Variants in GCNT1 observed in about 807,000 individuals in gnomAD.
The protein encoded by GCNT1 is glucosaminyl (N-acetyl) transferase 1, also known as beta-1,3-galactosyl-O-glycosyl-glycoprotein beta-1,6-N-acetylglucosaminyltransferase.
GCNT1 carries 16 observed loss-of-function variants against 26.2 expected under a neutral mutation model. That is an observed-to-expected ratio of 0.61 (90% CI 0.41 to 0.93). GCNT1 has a LOEUF of 0.93. Among genes scored for constraint, GCNT1 ranks in the 40% least tolerant of loss-of-function variants. GCNT1 has a pLI of 0.00. For synonymous variants in GCNT1, 183 were observed against 190.8 expected (o/e 0.96, Z 0.34); for missense variants, 477 against 526.7 (o/e 0.91, Z 0.92).
In GCNT1 at chr9:76,496,164, G is replaced by C. The variant is rs193269600; in HGVS notation, c.-289-4752G>C. Among the ~76,000 whole-genome samples the C allele has an allele frequency of 6.8e-4, 104 of 152,326 alleles. 3 individuals are homozygous for C. The East Asian group carries it at 0.019, about 27-fold the overall frequency. ...CTGGATGGGAACTGCTTTCCATTAGGCCTGGTGTGCCCTGGAAGGGAGAGC... is the reference window on the plus strand; with the variant it reads ...CTGGATGGGAACTGCTTTCCATTAGCCCTGGTGTGCCCTGGAAGGGAGAGC... On this transcript the variant is annotated intron_variant, in intron 2 of 3. Transcript: ENST00000376730.
At chr9:76,459,859 C>T (rs1372425398) in intron 1 of GCNT1, among the ~76,000 whole-genome samples, 3 of 152,172 alleles carry the variant, frequency 2.0e-5, no homozygotes, top group Admixed American at 1.3e-4. Flanking sequence ...CCCTCGCTTT[C>T]CTTCTTCTCG....
intron 2 of GCNT1, among the ~76,000 whole-genome samples, chr9:76,491,290 C>T (rs1489601977): frequency 2.0e-5 from 3 of 152,118 alleles, no homozygotes; most frequent in Non-Finnish European, 4.4e-5. Flanking sequence ...CTGCCAGCTG[C>T]TTATGCTGCT....
At chr9:76,471,350 G>C (rs1224720599) in intron 2 of GCNT1, among the ~76,000 whole-genome samples, 1 of 152,100 alleles carries the variant, frequency 6.6e-6, no homozygotes. Context: ...TTATGCCTTT[G>C]TTTCTTGTAA....
chr9:76,440,792 G>A (rs1823473576), upstream of GCNT1, among the ~76,000 whole-genome samples: 1 of 152,078 alleles, frequency 6.6e-6, no homozygotes, highest in Non-Finnish European at 1.5e-5. Flanking sequence ...CCTGCCGGGT[G>A]CAGTGACTCA....
chr9:76,399,064 T>G, the GCNT1 span: 4 of 1,596,468 alleles, frequency 2.5e-6, no homozygotes, highest in Non-Finnish European at 3.4e-6. Context: ...CATGGCTTCT[T>G]GTGGTTACTG....
chr9:76,496,728 G>A (rs946856843), intron 2 of GCNT1, among the ~76,000 whole-genome samples: 1 of 152,078 alleles, frequency 6.6e-6, no homozygotes, highest in African/African-American at 2.4e-5. Flanking sequence ...TTAGAATTTA[G>A]TATTTTTGTA....
intron 2 of GCNT1, among the ~76,000 whole-genome samples, chr9:76,477,355 G>A (rs1203994694): frequency 4.0e-5 from 6 of 151,688 alleles, no homozygotes; most frequent in Non-Finnish European, 7.4e-5. Context: ...GTGAAACCCC[G>A]TCTCTATTAA....
chr9:76,478,535 G>A (rs1824318972), intron 2 of GCNT1, among the ~76,000 whole-genome samples: 1 of 152,188 alleles, frequency 6.6e-6, no homozygotes, highest in Non-Finnish European at 1.5e-5. Flanking sequence ...TTCTTGGTGA[G>A]TAAGACCCAG....
chr9:76,398,655 C>T, the GCNT1 span: 148 of 994,190 alleles, frequency 1.5e-4, no homozygotes, highest in Middle Eastern at 2.7e-4. Context: ...GCCCATACGG[C>T]GTTGTTCTGG....
At chr9:76,409,172 T>C in the GCNT1 span, among the ~76,000 whole-genome samples, 41 of 152,212 alleles carry the variant, frequency 2.7e-4, no homozygotes, top group African/African-American at 9.6e-4. Context: ...TGCATGAGTT[T>C]TGGCGAACGT....
chr9:76,476,204 C>G (rs184227860), intron 2 of GCNT1, among the ~76,000 whole-genome samples: 1 of 152,146 alleles, frequency 6.6e-6, no homozygotes, highest in Admixed American at 6.5e-5. Context: ...TTTCTAAGAC[C>G]AAGCCATTTA....
At chr9:76,411,005 G>GCTCC in the GCNT1 span, among the ~76,000 whole-genome samples, 3 of 152,042 alleles carry the variant, frequency 2.0e-5, no homozygotes, top group Non-Finnish European at 4.4e-5. Flanking sequence ...AAATATAGCT[G>GCTCC]CTCCCACTCC....
chr9:76,474,124 T>G (rs181217886), intron 2 of GCNT1, among the ~76,000 whole-genome samples: 33 of 152,098 alleles, frequency 2.2e-4, no homozygotes, highest in Admixed American at 5.9e-4. Context: ...AAGAAAAGAT[T>G]CAGCCACTAG....
intron 1 of GCNT1, chr9:76,420,063 A>G (rs1230161479): frequency 6.6e-6 from 1 of 152,306 alleles, no homozygotes; most frequent in Admixed American, 6.5e-5. Context: ...TCAAAAGTCC[A>G]CCAAATTTCT....
At chr9:76,443,183 G>C (rs1380791239) in intron 1 of GCNT1, among the ~76,000 whole-genome samples, 3 of 152,196 alleles carry the variant, frequency 2.0e-5, no homozygotes, top group Non-Finnish European at 4.4e-5. Flanking sequence ...CCAACATGGT[G>C]AAACCCCGTC....
At chr9:76,430,644 C>G (rs1411633644) in intron 1 of GCNT1, among the ~76,000 whole-genome samples, 1 of 152,034 alleles carries the variant, frequency 6.6e-6, no homozygotes, top group Non-Finnish European at 1.5e-5. Context: ...CCTTGGTCTC[C>G]CAAAGTGCTG....
rs147397774 is a variant in GCNT1 at position 76,465,413 on chromosome 9, C to T, written c.-290+5236C>T. On this transcript the variant is annotated intron_variant, in intron 2 of 3. Transcript: ENST00000376730. Reference sequence around the variant, plus strand: ...TCCTAGGATTACAGGTGTGAGCCACCGCACCTGGCCTAATTTGAGTTTGTA... The same window carrying T: ...TCCTAGGATTACAGGTGTGAGCCACTGCACCTGGCCTAATTTGAGTTTGTA... 3.1e-3 allele frequency among the ~76,000 whole-genome samples: 479 copies of T among 152,238 alleles called. 1 individual carries two copies. Among genetic ancestry groups the T allele is most frequent in the African/African-American group, 0.011 (461 of 41,556 alleles).
chr9:76,474,466 A>G lies in GCNT1; in HGVS notation c.-290+14289A>G, dbSNP rs190251779. Among the ~76,000 whole-genome samples the G allele has an allele frequency of 4.0e-3, 608 of 152,354 alleles. 4 individuals carry two copies. The highest frequency in any genetic ancestry group is 0.014 in the African/African-American group (579 of 41,582). On this transcript the variant is annotated intron_variant, in intron 2 of 3. Transcript: ENST00000376730. ...CATAGTTCATATTTATAACAGTATAATTTGGAAATACCCTTAATATCCAAC... is the reference window on the plus strand; with the variant it reads ...CATAGTTCATATTTATAACAGTATAGTTTGGAAATACCCTTAATATCCAAC...
intron 2 of GCNT1, among the ~76,000 whole-genome samples, chr9:76,474,976 G>T (rs1458819478): frequency 6.6e-6 from 1 of 152,138 alleles, no homozygotes; most frequent in Non-Finnish European, 1.5e-5. Context: ...TCGCTCCGTT[G>T]CCCAGGCTGG....
Sources: allele counts gnomAD v4.1 joint callset (sites outside exome capture counted in the v4.1 genomes callset), GRCh38; gene constraint gnomAD v4.1.1; transcripts MANE v1.5; gene names NCBI Gene and HGNC (gene_info 2026-07-23, HGNC 2026-07-21).